The following NRXN3 variants were observed in gnomAD, a reference collection of about 807,000 sequenced individuals.
NRXN3 encodes the protein neurexin III.
NRXN3 carries 32 observed loss-of-function variants against 137.6 expected under a neutral mutation model. The ratio of observed to expected loss-of-function variants is 0.23; its 90% CI spans 0.18 to 0.31. The LOEUF (loss-of-function observed/expected upper bound fraction) is 0.31, where lower values mean the gene tolerates loss of function less well. NRXN3 is among the 10% of genes least tolerant of loss of function. NRXN3 has a pLI of 1.00. For missense variants in NRXN3, 1,574 were observed against 2,062.5 expected (o/e 0.76, Z 4.59); for synonymous variants, 798 against 784.5 (o/e 1.02, Z -0.29).
At chr14:79,606,222 A>G (rs1198481235) in intron 16 of NRXN3, among the ~76,000 whole-genome samples, 2 of 152,190 alleles carry the variant, frequency 1.3e-5, no homozygotes, top group Non-Finnish European at 1.5e-5. Flanking sequence ...TGGAAGCTCA[A>G]TTACCATGAA....
At chr14:79,254,983 T>C (rs532955984) in intron 15 of NRXN3, among the ~76,000 whole-genome samples, 1 of 152,330 alleles carries the variant, frequency 6.6e-6, no homozygotes, top group South Asian at 2.1e-4. Context: ...AAGTTTGCGC[T>C]AACTCCCATA....
chr14:78,676,480 T>C (rs2098008324), intron 6 of NRXN3, among the ~76,000 whole-genome samples: 1 of 152,152 alleles, frequency 6.6e-6, no homozygotes, highest in Non-Finnish European at 1.5e-5. Flanking sequence ...GCTTGAGTTT[T>C]ATGAAGGCTG....
At position 78,803,708 on chromosome 14, in the gene NRXN3, C is replaced by T; in HGVS notation, c.2133C>T (p.Phe711=). Residue 711 remains phenylalanine (F), a synonymous_variant, in exon 9 of 21, where the codon TTC becomes TTT. Transcript: ENST00000335750. ...ATACTGAGGCAGAGGATGTGTCCTT[C>T]CGCTTCATGTCCCAGCGAGCTTATG... ...VMHTEAEDVS[F]RFMSQRAYGL... The T allele has an allele frequency of 1.2e-6, 2 of 1,614,112 alleles. No homozygotes were observed. Among genetic ancestry groups the T allele is most frequent in the Non-Finnish European group, 1.7e-6 (2 of 1,180,000 alleles).
At chr14:78,178,295 C>G (rs1338683450) in intron 1 of NRXN3, among the ~76,000 whole-genome samples, 2 of 152,218 alleles carry the variant, frequency 1.3e-5, no homozygotes, top group Non-Finnish European at 2.9e-5. Context: ...ACTCACAGCT[C>G]TGGGACTTGC....
chr14:78,965,463 A>C (rs1406885621), intron 11 of NRXN3, among the ~76,000 whole-genome samples: 1 of 152,130 alleles, frequency 6.6e-6, no homozygotes, highest in African/African-American at 2.4e-5. Context: ...GGTCAACTTT[A>C]TCCAGTCCAG....
intron 10 of NRXN3, among the ~76,000 whole-genome samples, chr14:78,950,872 C>T (rs1178023658): frequency 1.3e-5 from 2 of 152,146 alleles, no homozygotes; most frequent in Non-Finnish European, 2.9e-5. Flanking sequence ...AGACACAATA[C>T]CAGAAGTAGC....
chr14:78,469,951 G>T (rs2095225510), intron 4 of NRXN3, among the ~76,000 whole-genome samples: 1 of 152,200 alleles, frequency 6.6e-6, no homozygotes, highest in Non-Finnish European at 1.5e-5. Context: ...TATGCTTGTT[G>T]TTAATGCCTT....
At chr14:79,551,051 C>T (rs565062433) in intron 16 of NRXN3, among the ~76,000 whole-genome samples, 1 of 152,134 alleles carries the variant, frequency 6.6e-6, no homozygotes, top group Admixed American at 6.5e-5. Context: ...TCAACTGGGT[C>T]GGCCTTGAAG....
chr14:78,999,335 A>G, intron 15 of NRXN3, among the ~76,000 whole-genome samples: 1 of 152,336 alleles, frequency 6.6e-6, no homozygotes, highest in African/African-American at 2.4e-5. Context: ...ATGAGGCAGT[A>G]GGAAAAAAAC....
At chr14:78,653,759 T>C (rs1003554750) in intron 6 of NRXN3, among the ~76,000 whole-genome samples, 21 of 136,570 alleles carry the variant, frequency 1.5e-4, no homozygotes, top group Non-Finnish European at 1.3e-4. Context: ...GCTGCCCAGA[T>C]AGAGAGCAGA....
intron 8 of NRXN3, among the ~76,000 whole-genome samples, chr14:78,729,236 G>T (rs756363763): frequency 2.0e-5 from 3 of 152,048 alleles, no homozygotes; most frequent in African/African-American, 7.3e-5. Context: ...TTCCATAGTC[G>T]CAATGTTAGC....
intron 15 of NRXN3, among the ~76,000 whole-genome samples, chr14:79,010,471 A>T (rs1211773989): frequency 6.6e-6 from 1 of 152,230 alleles, no homozygotes; most frequent in Non-Finnish European, 1.5e-5. Context: ...TAGGCTGATA[A>T]CAAAATCTGA....
chr14:78,175,346 A>G (rs191618526), intron 1 of NRXN3, among the ~76,000 whole-genome samples: 1 of 152,226 alleles, frequency 6.6e-6, no homozygotes, highest in East Asian at 1.9e-4. Flanking sequence ...TTGGGGGTAA[A>G]TTATTGTGCC....
At chr14:78,783,272 T>G (rs949543423) in intron 8 of NRXN3, among the ~76,000 whole-genome samples, 5 of 152,150 alleles carry the variant, frequency 3.3e-5, no homozygotes, top group Non-Finnish European at 7.3e-5. Context: ...ATGGTGTTCT[T>G]GCCAAAAACA....
At chr14:78,904,114 C>T (rs2099206964) in intron 10 of NRXN3, among the ~76,000 whole-genome samples, 1 of 152,048 alleles carries the variant, frequency 6.6e-6, no homozygotes, top group Admixed American at 6.6e-5. Context: ...CAAGATTATT[C>T]AGATAGTAAA....
At chr14:79,336,906 C>A (rs1238825660) in intron 15 of NRXN3, among the ~76,000 whole-genome samples, 1 of 152,162 alleles carries the variant, frequency 6.6e-6, no homozygotes, top group African/African-American at 2.4e-5. Flanking sequence ...AAAATACACC[C>A]TGAGTATAAA....
intron 15 of NRXN3, among the ~76,000 whole-genome samples, chr14:79,242,889 C>T (rs756147487): frequency 6.6e-6 from 1 of 152,166 alleles, no homozygotes; most frequent in Non-Finnish European, 1.5e-5. Context: ...GTGTATCATG[C>T]CAACAGTACA....
At chr14:79,298,841 T>C (rs1405573583) in intron 15 of NRXN3, 1 of 151,388 alleles carries the variant, frequency 6.6e-6, no homozygotes, top group African/African-American at 2.4e-5. Flanking sequence ...TAAAGAAGAG[T>C]TCTTAGTTCT....
At position 79,861,306 on chromosome 14, in the gene NRXN3, A is replaced by C. The variant is rs1447376953; in HGVS notation, c.4094-36A>C. On this transcript the variant is annotated intron_variant, in intron 20 of 20. Transcript: ENST00000335750. The surrounding 1 kb of genome is among the most constrained non-coding windows in gnomAD (Gnocchi z 5.4). ...GACTCTAACCTGCCCCCTACTGATG[A>C]TGAAGATTTTTACACCACCTTCTCC... is the stretch of plus-strand genomic sequence containing the variant. 3 of 1,535,952 alleles carry C rather than the reference A, an allele frequency of 2.0e-6. No individual in the cohort carries two copies. The African/African-American group carries it at 4.1e-5, about 21-fold the overall frequency.
Sources: gnomAD v4.1 joint callset for allele counts (sites outside exome capture counted in the v4.1 genomes callset) on GRCh38, gnomAD v4.1.1 for gene constraint, Gnocchi (gnomAD v3.1) non-coding constraint, MANE v1.5 for transcripts, NCBI Gene and HGNC (gene_info 2026-07-23, HGNC 2026-07-21) for gene names.